TESC: variants seen among roughly 807,000 people sequenced by gnomAD.
TESC encodes the protein tescalcin.
Under a neutral mutation model 31.0 loss-of-function variants are expected in TESC, and 19 were observed. The observed-to-expected ratio is 0.61, with a 90% confidence interval of 0.43 to 0.90. The LOEUF (loss-of-function observed/expected upper bound fraction) is 0.90, where lower values mean the gene tolerates loss of function less well. Ranked by LOEUF, TESC falls within the 40% of genes least tolerant of loss-of-function variation. TESC has a pLI of 0.00. For synonymous variants in TESC, 109 were observed against 114.8 expected, an observed-to-expected ratio of 0.95 and a Z score of 0.32; for missense variants, 248 against 303.8, an observed-to-expected ratio of 0.82 and a Z score of 1.36.
chr12:117,080,239 A>G (rs1955127488), intron 1 of TESC, among the ~76,000 whole-genome samples: 1 of 152,136 alleles, frequency 6.6e-6, no homozygotes, highest in African/African-American at 2.4e-5. Context: ...AGGCTGAGGT[A>G]GGTGGATCAC....
chr12:117,071,281 G>C (rs375308498), intron 2 of TESC, among the ~76,000 whole-genome samples: 1 of 152,218 alleles, frequency 6.6e-6, no homozygotes, highest in African/African-American at 2.4e-5. Flanking sequence ...AGCACCTACT[G>C]TGTTACAGGC....
intron 3 of TESC, among the ~76,000 whole-genome samples, chr12:117,054,924 C>T (rs1369721052): frequency 1.3e-5 from 2 of 152,122 alleles, no homozygotes; most frequent in Non-Finnish European, 2.9e-5. Context: ...GGAGGGTATA[C>T]CCACCCCTTC....
At chr12:117,051,781 G>A (rs1954651007) in intron 3 of TESC, among the ~76,000 whole-genome samples, 1 of 152,082 alleles carries the variant, frequency 6.6e-6, no homozygotes. Context: ...CCCAACTCAA[G>A]GAAGGAGGGT....
At chr12:117,048,502 G>A (rs1478319963) in intron 4 of TESC, among the ~76,000 whole-genome samples, 1 of 152,148 alleles carries the variant, frequency 6.6e-6, no homozygotes, top group Non-Finnish European at 1.5e-5. Context: ...GGCCAGCTGG[G>A]ACCACAACTG....
At chr12:117,075,554 C>A (rs1215544030) in intron 1 of TESC, among the ~76,000 whole-genome samples, 1 of 152,054 alleles carries the variant, frequency 6.6e-6, no homozygotes, top group East Asian at 1.9e-4. Context: ...TCAGTTCCAA[C>A]TGCCTTAGTA....
intron 2 of TESC, among the ~76,000 whole-genome samples, chr12:117,060,016 C>A (rs1593003122): frequency 1.3e-5 from 2 of 152,172 alleles, no homozygotes; most frequent in South Asian, 4.2e-4. Context: ...AAGACAAATG[C>A]AGGGAGACAA....
chr12:117,081,377 ACTTGT>A (rs777567620), intron 1 of TESC, among the ~76,000 whole-genome samples: 4 of 152,126 alleles, frequency 2.6e-5, no homozygotes, highest in Non-Finnish European at 5.9e-5. Context: ...TAATTTCTTT[ACTTGT>A]CTTAATGTGG....
chr12:117,076,063 C>T (rs1955071260), intron 1 of TESC, among the ~76,000 whole-genome samples: 2 of 149,038 alleles, frequency 1.3e-5, no homozygotes, highest in South Asian at 2.1e-4. Context: ...GCAGTCTGCC[C>T]GCCTCGGCCT....
At chr12:117,075,895 A>ATATATATGTGTG (rs1955057834) in intron 1 of TESC, among the ~76,000 whole-genome samples, 5 of 83,044 alleles carry the variant, frequency 6.0e-5, no homozygotes, top group African/African-American at 3.6e-4. Flanking sequence ...ATATATATAT[A>ATATATATGTGTG]TATATATATA....
intron 3 of TESC, among the ~76,000 whole-genome samples, chr12:117,053,775 C>T (rs910360074): frequency 2.0e-5 from 3 of 152,110 alleles, no homozygotes; most frequent in Non-Finnish European, 2.9e-5. Context: ...CATACACACA[C>T]GCACGCACCC....
intron 1 of TESC, among the ~76,000 whole-genome samples, chr12:117,085,152 G>A (rs1270489110): frequency 6.6e-6 from 1 of 152,218 alleles, no homozygotes; most frequent in East Asian, 1.9e-4. Flanking sequence ...AGGGCTGGCA[G>A]AAGGCATAGC....
chr12:117,065,052 G>A (rs553468798), intron 2 of TESC, among the ~76,000 whole-genome samples: 2 of 152,362 alleles, frequency 1.3e-5, no homozygotes, highest in East Asian at 3.9e-4. Flanking sequence ...GATGGGTGTG[G>A]CAGGGGCCCA....
intron 7 of TESC, among the ~76,000 whole-genome samples, chr12:117,040,865 C>T (rs1363990179): frequency 1.3e-5 from 2 of 152,232 alleles, no homozygotes; most frequent in Non-Finnish European, 2.9e-5. Flanking sequence ...GGCCCAGTCC[C>T]CCAGTCCTGC....
At chr12:117,069,862 T>A (rs758479853) in intron 2 of TESC, among the ~76,000 whole-genome samples, 1 of 152,230 alleles carries the variant, frequency 6.6e-6, no homozygotes, top group East Asian at 1.9e-4. Context: ...AAGCCTGTGG[T>A]TCTGAATGAT....
At chr12:117,076,701 C>G (rs1188616120) in intron 1 of TESC, among the ~76,000 whole-genome samples, 1 of 152,188 alleles carries the variant, frequency 6.6e-6, no homozygotes, top group Non-Finnish European at 1.5e-5. Context: ...ACCGCAGCCT[C>G]CCAAAGTGCT....
intron 2 of TESC, among the ~76,000 whole-genome samples, chr12:117,063,073 A>G (rs934642057): frequency 6.6e-6 from 1 of 152,202 alleles, no homozygotes; most frequent in African/African-American, 2.4e-5. Context: ...GCGTGACATC[A>G]AGCTGTGCTA....
At chr12:117,073,286 G>A (rs1001837057) in intron 2 of TESC, among the ~76,000 whole-genome samples, 2 of 152,162 alleles carry the variant, frequency 1.3e-5, no homozygotes, top group African/African-American at 2.4e-5. Context: ...ACTCAGGCCC[G>A]TGACCCCATC....
chr12:117,087,326 T>G (rs1955230415), intron 1 of TESC, among the ~76,000 whole-genome samples: 1 of 152,180 alleles, frequency 6.6e-6, no homozygotes, highest in African/African-American at 2.4e-5. Flanking sequence ...CCCTTTTTCA[T>G]GCCAACTTCA....
chr12:117,091,335 T>A (rs905173320), intron 1 of TESC, among the ~76,000 whole-genome samples: 18 of 152,190 alleles, frequency 1.2e-4, no homozygotes, highest in African/African-American at 1.9e-4. Context: ...CAGCTCGAGA[T>A]AACAGATCCT....
Sources: allele counts gnomAD v4.1 joint callset (sites outside exome capture counted in the v4.1 genomes callset), GRCh38; gene constraint gnomAD v4.1.1; transcripts MANE v1.5; gene names NCBI Gene and HGNC (gene_info 2026-07-23, HGNC 2026-07-21).